Variants in ADAMTS12 observed in about 807,000 individuals in gnomAD.
ADAMTS12 encodes the protein ADAM metallopeptidase with thrombospondin type 1 motif 12.
Under a neutral mutation model 167.8 loss-of-function variants are expected in ADAMTS12, and 118 were observed. That is an observed-to-expected ratio of 0.70 (90% CI 0.61 to 0.82). The LOEUF is 0.82. ADAMTS12 is among the 40% of genes least tolerant of loss of function. The pLI is 0.00. For missense variants in ADAMTS12, 1,916 were observed against 1,998.8 expected, an observed-to-expected ratio of 0.96 and a Z score of 0.79; for synonymous variants, 704 against 716.9, an observed-to-expected ratio of 0.98 and a Z score of 0.29.
At chr5:33,850,749 T>C (rs1388317614) in intron 2 of ADAMTS12, among the ~76,000 whole-genome samples, 3 of 152,172 alleles carry the variant, frequency 2.0e-5, no homozygotes, top group Admixed American at 1.3e-4. Flanking sequence ...TTTTTTCCCA[T>C]CCTGCTGGTC....
intron 14 of ADAMTS12, among the ~76,000 whole-genome samples, chr5:33,616,743 CTT>C (rs1018938505): frequency 1.1e-4 from 17 of 152,086 alleles, no homozygotes; most frequent in African/African-American, 3.9e-4. Flanking sequence ...AATTTATTCT[CTT>C]GTGTTCTAAT....
At chr5:33,861,057 G>A (rs750417515) in intron 2 of ADAMTS12, among the ~76,000 whole-genome samples, 3 of 152,016 alleles carry the variant, frequency 2.0e-5, no homozygotes, top group South Asian at 4.1e-4. Flanking sequence ...AGGAAAAACC[G>A]GTGTCAGCCA....
intron 2 of ADAMTS12, among the ~76,000 whole-genome samples, chr5:33,871,267 A>C (rs1294769262): frequency 6.6e-6 from 1 of 152,206 alleles, no homozygotes; most frequent in African/African-American, 2.4e-5. Flanking sequence ...AATTCTACCA[A>C]ACATGTAAAG....
At chr5:33,886,989 G>GGGATCACTGT (rs1380957920) in intron 1 of ADAMTS12, among the ~76,000 whole-genome samples, 6 of 152,016 alleles carry the variant, frequency 3.9e-5, no homozygotes, top group Middle Eastern at 3.4e-3. Context: ...TTGGCTACCC[G>GGGATCACTGT]GGATCACTGT....
chr5:33,796,739 G>A (rs956570578), intron 2 of ADAMTS12, among the ~76,000 whole-genome samples: 3 of 152,160 alleles, frequency 2.0e-5, no homozygotes, highest in African/African-American at 7.2e-5. Flanking sequence ...TCAAGCCTAT[G>A]GCAACCTGGA....
chr5:33,857,418 A>T (rs1170228016), intron 2 of ADAMTS12, among the ~76,000 whole-genome samples: 2 of 147,740 alleles, frequency 1.4e-5, no homozygotes, highest in Non-Finnish European at 2.9e-5. Context: ...AAGTGCTCTC[A>T]TCACAAAAAA....
chr5:33,739,051 TAAAC>T (rs1744472117), intron 3 of ADAMTS12, among the ~76,000 whole-genome samples: 1 of 152,176 alleles, frequency 6.6e-6, no homozygotes, highest in Admixed American at 6.5e-5. Context: ...CTAGTTAGGT[TAAAC>T]AAAGAGTTTA....
chr5:33,847,903 T>C (rs183542414), intron 2 of ADAMTS12, among the ~76,000 whole-genome samples: 2 of 152,036 alleles, frequency 1.3e-5, no homozygotes, highest in East Asian at 3.9e-4. Context: ...TCCAAGGATA[T>C]CCTCTCCCTT....
chr5:33,621,721 G>A (rs1452463998), intron 14 of ADAMTS12, among the ~76,000 whole-genome samples: 1 of 152,214 alleles, frequency 6.6e-6, no homozygotes, highest in East Asian at 1.9e-4. Context: ...AATATCTCAT[G>A]ATTGATGTGT....
chr5:33,890,486 T>A (rs1213820106), intron 1 of ADAMTS12, among the ~76,000 whole-genome samples: 1 of 151,976 alleles, frequency 6.6e-6, no homozygotes, highest in East Asian at 1.9e-4. Flanking sequence ...AGCAGATGAG[T>A]TGTCCAGCAA....
chr5:33,576,212 G>C lies in ADAMTS12; in HGVS notation c.3814C>G (p.Pro1272Ala). 1.9e-6 allele frequency: 3 copies of C among 1,614,186 alleles called. No homozygotes were observed. Among genetic ancestry groups the C allele is most frequent in the Non-Finnish European group, 2.5e-6 (3 of 1,180,032 alleles). Residue 1272 changes from proline to alanine, a missense_variant, in exon 19 of 24, where the codon CCA becomes GCA. Physicochemically the swap from Pro to Ala is conservative, Grantham distance 27. Transcript: ENST00000504830. ...KTANRNHLKL[P>A]NNMNQTKSSE... is the part of the protein sequence containing the mutation. ...CTTTTTGTTTGGTTCATGTTGTTTG[G>C]AAGTTTCAGGTGGTTACGGTTTGCC...
chr5:33,788,839 A>G (rs1035965372), intron 2 of ADAMTS12, among the ~76,000 whole-genome samples: 1 of 152,150 alleles, frequency 6.6e-6, no homozygotes, highest in African/African-American at 2.4e-5. Flanking sequence ...TAACTCTGTA[A>G]AAAGGGGCTG....
At chr5:33,803,710 C>T (rs549313389) in intron 2 of ADAMTS12, among the ~76,000 whole-genome samples, 72 of 152,162 alleles carry the variant, frequency 4.7e-4, no homozygotes, top group Middle Eastern at 3.4e-3. Flanking sequence ...ACAATCATGG[C>T]GAAAGGCAAA....
chr5:33,776,728 A>G (rs1745923141), intron 2 of ADAMTS12, among the ~76,000 whole-genome samples: 1 of 152,214 alleles, frequency 6.6e-6, no homozygotes, highest in African/African-American at 2.4e-5. Flanking sequence ...CAGAGCAGAG[A>G]TAAATGAAAT....
intron 1 of ADAMTS12, among the ~76,000 whole-genome samples, chr5:33,886,088 A>G (rs1472485667): frequency 6.6e-6 from 1 of 152,226 alleles, no homozygotes; most frequent in Non-Finnish European, 1.5e-5. Flanking sequence ...TCCCTTATAG[A>G]AACTGCCTCT....
chr5:33,546,624 C>T (rs561253501), intron 21 of ADAMTS12, among the ~76,000 whole-genome samples: 1 of 152,196 alleles, frequency 6.6e-6, no homozygotes, highest in South Asian at 2.1e-4. Flanking sequence ...TTAAATTTGT[C>T]CATAGTAGGA....
chr5:33,623,951 G>A (rs1193584184), intron 14 of ADAMTS12, among the ~76,000 whole-genome samples: 1 of 152,106 alleles, frequency 6.6e-6, no homozygotes, highest in Non-Finnish European at 1.5e-5. Context: ...TCCTCTCCCA[G>A]AGATCACACT....
intron 22 of ADAMTS12, among the ~76,000 whole-genome samples, chr5:33,536,186 A>G (rs29969): frequency 0.51 from 77,941 of 151,950 alleles, 21,934 homozygotes; most frequent in East Asian, 0.77. Flanking sequence ...ACCCAGGCTG[A>G]AAGGCAGCGG....
At chr5:33,607,593 C>T (rs1738510788) in intron 16 of ADAMTS12, among the ~76,000 whole-genome samples, 1 of 152,090 alleles carries the variant, frequency 6.6e-6, no homozygotes, top group African/African-American at 2.4e-5. Context: ...CTGTAAATTG[C>T]TTTGGGCTGT....
Sources: allele counts gnomAD v4.1 joint callset (sites outside exome capture counted in the v4.1 genomes callset), GRCh38; gene constraint gnomAD v4.1.1; transcripts MANE v1.5; gene names NCBI Gene and HGNC (gene_info 2026-07-23, HGNC 2026-07-21).